The following PRICKLE1 variants were observed in gnomAD, a reference collection of about 807,000 sequenced individuals.
PRICKLE1 encodes the protein prickle-like protein 1.
A neutral mutation model predicts 70.2 loss-of-function variants in PRICKLE1; 14 were observed. The observed-to-expected ratio is 0.20, with a 90% CI of 0.13 to 0.31. The LOEUF (loss-of-function observed/expected upper bound fraction) is 0.31, where lower values mean the gene tolerates loss of function less well. PRICKLE1 is among the 10% of genes least tolerant of loss of function. The pLI is 1.00. For missense variants in PRICKLE1, 821 were observed against 1,026.2 expected (o/e 0.80, Z 2.73); for synonymous variants, 357 against 379.9 (o/e 0.94, Z 0.70).
rs3217624 is a variant in PRICKLE1 at position 42,469,834 on chromosome 12, A to AC, written c.247-248_247-247insG. Reference sequence around the variant, plus strand: ...TAATTGAAAACCCTTATCAACACAGAATTAAAAAATATATATAGGACATTA... The same window carrying AC: ...TAATTGAAAACCCTTATCAACACAGACATTAAAAAATATATATAGGACATTA... On this transcript the variant is annotated intron_variant, in intron 3 of 7. Coordinates refer to ENST00000345127, the MANE Select transcript of PRICKLE1 (RefSeq NM_153026.3). 339,098 of 566,448 alleles carry AC rather than the reference A, an allele frequency of 0.6. 102,347 individuals carry two copies. The highest frequency in any genetic ancestry group is 0.68 in the Admixed American group (22,453 of 32,812). The allele number at this position is 566,448 out of a possible 1,614,324, so 35.1% of individuals were successfully genotyped here.
intron 1 of PRICKLE1, among the ~76,000 whole-genome samples, chr12:42,517,534 G>C (rs1004862548): frequency 6.6e-6 from 1 of 151,976 alleles, no homozygotes; most frequent in African/African-American, 2.4e-5. Context: ...GGATGGTCTT[G>C]ATCTCCTGAC....
intron 1 of PRICKLE1, among the ~76,000 whole-genome samples, chr12:42,542,871 C>A (rs1940141293): frequency 6.6e-6 from 1 of 152,090 alleles, no homozygotes; most frequent in Non-Finnish European, 1.5e-5. Flanking sequence ...GTCCTCTAAC[C>A]CCCAAATTCA....
intron 1 of PRICKLE1, among the ~76,000 whole-genome samples, chr12:42,479,338 C>T (rs10880305): frequency 0.33 from 49,707 of 152,164 alleles, 8,441 homozygotes; most frequent in African/African-American, 0.4. Flanking sequence ...CCAGCTGCTT[C>T]GGTAGCAGCT....
chr12:42,459,306 T>C lies in PRICKLE1; in HGVS notation c.*503A>G. 1 of 702,406 alleles carries C rather than the reference T, an allele frequency of 1.4e-6. No homozygotes were observed. The allele number at this position is 702,406 out of a possible 1,614,324, so 43.5% of individuals were successfully genotyped here. A position where few individuals can be genotyped will look rare whatever the true frequency, so the allele number is the denominator to read the frequency against. On this transcript the variant is annotated 3_prime_UTR_variant, in exon 8 of 8. Transcript: ENST00000345127. ...GCGCTGATACAATACAATGTTTACC[T>C]GGCCAAAGAGGGTTCGAGGGGACAA...
intron 1 of PRICKLE1, among the ~76,000 whole-genome samples, chr12:42,551,692 T>C (rs899057983): frequency 1.3e-5 from 2 of 152,182 alleles, no homozygotes; most frequent in African/African-American, 4.8e-5. Flanking sequence ...TTCTTCTCCC[T>C]GTGTGTGGCC....
Position 42,474,599 on chromosome 12 carries a change from G to A in PRICKLE1, c.-48-2035C>T, listed in dbSNP as rs191880263. On this transcript the variant is annotated intron_variant, in intron 1 of 7. Transcript: ENST00000345127. ...AAGGAAAGGCTTTCTAAACATAGGC[G>A]TATTCCTCTGACTCCTCAATAAAAA... Among the ~76,000 whole-genome samples, 391 of 152,266 alleles carry A rather than the reference G, an allele frequency of 2.6e-3. 2 individuals carry two copies. Among genetic ancestry groups the A allele is most frequent in the African/African-American group, 8.9e-3 (370 of 41,556 alleles).
At chr12:42,472,597 T>A in intron 1 of PRICKLE1, 33 bp from the exon 2 acceptor site, 1 of 1,567,804 alleles carries the variant, frequency 6.4e-7, no homozygotes. Context: ...CAAAGACATC[T>A]AAAACCTGAA....
chr12:42,465,662 T>G, intron 6 of PRICKLE1: 1 of 276,216 alleles, frequency 3.6e-6, no homozygotes, highest in Non-Finnish European at 6.9e-6. Context: ...CTGTTTAAAA[T>G]GGCCCCCAAG....
At chr12:42,579,390 C>T (rs1336871847) in intron 1 of PRICKLE1, among the ~76,000 whole-genome samples, 1 of 152,180 alleles carries the variant, frequency 6.6e-6, no homozygotes, top group Non-Finnish European at 1.5e-5. Context: ...TGTAAAACTT[C>T]AGGAAAGTCA....
At chr12:42,495,380 CAAAA>C (rs756105644) in intron 1 of PRICKLE1, among the ~76,000 whole-genome samples, 10 of 69,078 alleles carry the variant, frequency 1.4e-4, no homozygotes, top group Admixed American at 3.4e-4. Context: ...GACCTTGTCT[CAAAA>C]AAAAAAAAAA....
chr12:42,582,800 T>TTG (rs1277034654), intron 1 of PRICKLE1, among the ~76,000 whole-genome samples: 2 of 151,916 alleles, frequency 1.3e-5, no homozygotes, highest in African/African-American at 2.4e-5. Context: ...ATTATGAGAT[T>TTG]TGTGTGTGTG....
intron 3 of PRICKLE1, chr12:42,470,010 T>C (rs1156325984): frequency 3.8e-6 from 2 of 524,010 alleles, no homozygotes; most frequent in Non-Finnish European, 6.8e-6. Flanking sequence ...TTCCTGATCA[T>C]TGGTGGGTGG....
chr12:42,492,063 C>T (rs1361507434), intron 1 of PRICKLE1, among the ~76,000 whole-genome samples: 4 of 151,164 alleles, frequency 2.6e-5, no homozygotes, highest in East Asian at 1.9e-4. Context: ...GGATTACAGG[C>T]GTGACCCACC....
At position 42,459,989 on chromosome 12, in the gene PRICKLE1, C is replaced by T. The variant is rs143240342; in HGVS notation, c.2316G>A (p.Ser772=). The T allele has an allele frequency of 1.5e-5, 25 of 1,613,946 alleles. No homozygotes were observed. The African/African-American group carries it at 2.1e-4, about 14-fold the overall frequency. The part of the protein sequence containing the change: ...WCSSSSSSSD[S]EEEGYFLGQP... ...GTCCAAGAAAATATCCTTCTTCTTC[C>T]GAGTCGGAAGAGGAGGAGGAGGAAG... Residue 772 remains serine, a synonymous_variant, in exon 8 of 8, where the codon TCG becomes TCA. Coordinates refer to ENST00000345127, the MANE Select transcript of PRICKLE1 (RefSeq NM_153026.3).
chr12:42,586,126 C>T (rs891004212), intron 1 of PRICKLE1, among the ~76,000 whole-genome samples: 3 of 152,172 alleles, frequency 2.0e-5, no homozygotes, highest in African/African-American at 7.2e-5. Flanking sequence ...TCCCTTAAAA[C>T]ACCAATCGAC....
At chr12:42,500,975 C>T (rs1939295907) in intron 1 of PRICKLE1, among the ~76,000 whole-genome samples, 1 of 152,206 alleles carries the variant, frequency 6.6e-6, no homozygotes, top group Admixed American at 6.5e-5. Context: ...CATTTCTGAA[C>T]TTATCAGCTT....
In PRICKLE1 at chr12:42,469,818, ACC is replaced by A. The variant is rs988415159; in HGVS notation, c.247-233_247-232del. 23 of 554,880 alleles carry A rather than the reference ACC, an allele frequency of 4.1e-5. No individual in the cohort carries two copies. The African/African-American group carries it at 5.4e-4, about 13-fold the overall frequency. The allele number at this position is 554,880 out of a possible 1,614,324, so 34.4% of individuals were successfully genotyped here. ...TTAAATAAGAAATGTTTAATTGAAA[ACC>A]CTTATCAACACAGAATTAAAAAATA... On this transcript the variant is annotated intron_variant, in intron 3 of 7. Coordinates refer to ENST00000345127, the MANE Select transcript of PRICKLE1 (RefSeq NM_153026.3).
At chr12:42,517,306 A>ATTTTTTTTTTTTTTTTTTTTTTTTCTTTT (rs71794718) in intron 1 of PRICKLE1, among the ~76,000 whole-genome samples, 1 of 88,956 alleles carries the variant, frequency 1.1e-5, no homozygotes, top group Non-Finnish European at 2.0e-5. Context: ...TCAGTCTGCC[A>ATTTTTTTTTTTTTTTTTTTTTTTTCTTTT]TTTTTTTTTT....
At chr12:42,502,056 G>A (rs1796370) in intron 1 of PRICKLE1, among the ~76,000 whole-genome samples, 26,323 of 151,718 alleles carry the variant, frequency 0.17, 3,027 homozygotes, top group African/African-American at 0.31. Flanking sequence ...GAATGGCCTG[G>A]AATGAATGGA....
Sources: gnomAD v4.1 joint callset for allele counts (sites outside exome capture counted in the v4.1 genomes callset) on GRCh38, gnomAD v4.1.1 for gene constraint, MANE v1.5 for transcripts, NCBI Gene and HGNC (gene_info 2026-07-23, HGNC 2026-07-21) for gene names.